The following PLPPR1 variants were observed in gnomAD, a reference collection of about 807,000 sequenced individuals.
The protein encoded by PLPPR1 is phospholipid phosphatase-related protein type 1.
Under a neutral mutation model 33.1 loss-of-function variants are expected in PLPPR1, and 10 were observed. That is an observed-to-expected ratio of 0.30 (90% CI 0.19 to 0.51). PLPPR1 has a LOEUF of 0.51. Ranked by LOEUF, PLPPR1 falls within the 20% of genes least tolerant of loss-of-function variation. The pLI, the probability that PLPPR1 is intolerant of heterozygous loss-of-function variation, is 0.97. For synonymous variants in PLPPR1, 151 were observed against 151.0 expected, an observed-to-expected ratio of 1.00 and a Z score of 0.00; for missense variants, 304 against 408.1, an observed-to-expected ratio of 0.74 and a Z score of 2.20.
At chr9:101,153,972 T>C (rs1274570760) in intron 1 of PLPPR1, among the ~76,000 whole-genome samples, 1 of 152,168 alleles carries the variant, frequency 6.6e-6, no homozygotes, top group Non-Finnish European at 1.5e-5. Context: ...GATGATCATG[T>C]GCTTTTGGTC....
intron 2 of PLPPR1, among the ~76,000 whole-genome samples, chr9:101,242,113 A>G (rs940377211): frequency 2.0e-5 from 3 of 152,018 alleles, no homozygotes; most frequent in African/African-American, 7.2e-5. Context: ...TGCTGGCACT[A>G]ACAGCACCAA....
intron 2 of PLPPR1, among the ~76,000 whole-genome samples, chr9:101,238,349 G>GTATATATATA (rs199647180): frequency 0.034 from 4,475 of 132,838 alleles, 115 homozygotes; most frequent in South Asian, 0.09. Context: ...ATATATAGAG[G>GTATATATATA]TGTATATATA....
intron 5 of PLPPR1, 124 bp downstream of exon 5, chr9:101,309,585 C>A: frequency 9.6e-7 from 1 of 1,039,756 alleles, no homozygotes; most frequent in Non-Finnish European, 1.4e-6. Context: ...GCATATTTCT[C>A]TACATTATGC....
intron 1 of PLPPR1, among the ~76,000 whole-genome samples, chr9:101,099,556 C>T (rs1452919974): frequency 1.3e-5 from 2 of 152,142 alleles, no homozygotes; most frequent in East Asian, 1.9e-4. Context: ...TACATCTGTA[C>T]TGAACAGGTA....
At chr9:101,264,459 A>C (rs1220504891) in intron 2 of PLPPR1, among the ~76,000 whole-genome samples, 1 of 151,978 alleles carries the variant, frequency 6.6e-6, no homozygotes, top group African/African-American at 2.4e-5. Flanking sequence ...GTCCCCTCCC[A>C]ACCAGTTCAC....
rs1329091952 is a variant in PLPPR1 at position 101,324,633 on chromosome 9, C to T, written c.*576C>T. 2.6e-5 allele frequency: 4 copies of T among 152,304 alleles called. No individual in the cohort carries two copies. The East Asian group carries it at 7.7e-4, about 29-fold the overall frequency. 9.4% of individuals were successfully genotyped at this position (152,304 alleles called of 1,614,324 possible). On this transcript the variant is annotated 3_prime_UTR_variant, in exon 8 of 8. Coordinates refer to ENST00000374874, the MANE Select transcript of PLPPR1 (RefSeq NM_207299.2). ...TAACAAAGTCACCTAGTTATACAAA[C>T]AATTGTCAGAGAATTCTGGATTTGG...
At chr9:101,143,870 G>A (rs966978538) in intron 1 of PLPPR1, among the ~76,000 whole-genome samples, 2 of 152,186 alleles carry the variant, frequency 1.3e-5, no homozygotes, top group African/African-American at 4.8e-5. Context: ...AAGACAGTGT[G>A]GTGATTCCTC....
chr9:101,262,731 A>G (rs1449923490), intron 2 of PLPPR1, among the ~76,000 whole-genome samples: 2 of 152,220 alleles, frequency 1.3e-5, no homozygotes, highest in African/African-American at 4.8e-5. Context: ...ACTGTTCACA[A>G]TAGCAAAGAC....
chr9:101,319,695 C>T (rs116546851), intron 7 of PLPPR1, among the ~76,000 whole-genome samples: 5,497 of 152,252 alleles, frequency 0.036, 342 homozygotes, highest in African/African-American at 0.12. Context: ...TAGCGATACC[C>T]TGTAATGAAA....
chr9:101,112,106 AATG>A (rs903534407), intron 1 of PLPPR1, among the ~76,000 whole-genome samples: 6 of 152,214 alleles, frequency 3.9e-5, no homozygotes, highest in Non-Finnish European at 7.3e-5. Flanking sequence ...ATTTAAAGAC[AATG>A]CAGTTTTACA....
intron 2 of PLPPR1, among the ~76,000 whole-genome samples, chr9:101,251,020 A>AC (rs901465805): frequency 3.3e-5 from 5 of 151,132 alleles, no homozygotes; most frequent in African/African-American, 1.2e-4. Flanking sequence ...TACTCTGATG[A>AC]CCCCCCAAAT....
chr9:101,125,394 G>A, intron 1 of PLPPR1: 1 of 186,732 alleles, frequency 5.4e-6, no homozygotes, highest in Non-Finnish European at 1.1e-5. Flanking sequence ...ATTTATCTCT[G>A]CTTACTTACT....
At chr9:101,285,647 A>G (rs1019295171) in intron 3 of PLPPR1, among the ~76,000 whole-genome samples, 1 of 152,196 alleles carries the variant, frequency 6.6e-6, no homozygotes, top group South Asian at 2.1e-4. Context: ...AGCATACAGT[A>G]TGTCATTTCA....
At chr9:101,283,425 T>A (rs1828336707) in intron 3 of PLPPR1, among the ~76,000 whole-genome samples, 1 of 152,202 alleles carries the variant, frequency 6.6e-6, no homozygotes, top group Admixed American at 6.6e-5. Context: ...GTCAGTCCAT[T>A]AATAAATTGT....
At chr9:101,057,584 C>G (rs750493074) in intron 1 of PLPPR1, among the ~76,000 whole-genome samples, 2 of 152,042 alleles carry the variant, frequency 1.3e-5, no homozygotes, top group African/African-American at 2.4e-5. Context: ...TTAGTGCTTA[C>G]TATGAGCCAG....
intron 1 of PLPPR1, among the ~76,000 whole-genome samples, chr9:101,095,433 C>A (rs1339048676): frequency 2.0e-5 from 3 of 152,072 alleles, no homozygotes; most frequent in African/African-American, 7.2e-5. Context: ...GGCTTGTTTG[C>A]CTGTATAAAT....
intron 2 of PLPPR1, among the ~76,000 whole-genome samples, chr9:101,203,289 C>T (rs1185594551): frequency 6.6e-6 from 1 of 152,042 alleles, no homozygotes; most frequent in Admixed American, 6.6e-5. Flanking sequence ...GCTGTTTTTG[C>T]CATTACTTTT....
At chr9:101,268,033 T>C (rs559040185) in intron 2 of PLPPR1, among the ~76,000 whole-genome samples, 38 of 151,948 alleles carry the variant, frequency 2.5e-4, no homozygotes, top group African/African-American at 8.2e-4. Flanking sequence ...ATGTTCTCAC[T>C]CATAGGTGAG....
intron 1 of PLPPR1, among the ~76,000 whole-genome samples, chr9:101,109,656 A>G (rs1404110313): frequency 1.3e-5 from 2 of 152,172 alleles, no homozygotes; most frequent in Non-Finnish European, 1.5e-5. Context: ...AAAGCACTTA[A>G]TGTTGATTTT....
Sources: allele counts gnomAD v4.1 joint callset (sites outside exome capture counted in the v4.1 genomes callset), GRCh38; gene constraint gnomAD v4.1.1; transcripts MANE v1.5; gene names NCBI Gene and HGNC (gene_info 2026-07-23, HGNC 2026-07-21).